The following NCBP3 variants were observed in gnomAD, a reference collection of about 807,000 sequenced individuals.
The protein encoded by NCBP3 is nuclear cap-binding protein subunit 3.
In NCBP3, 20 loss-of-function variants were observed where a neutral mutation model predicts 75.7. The observed-to-expected ratio is 0.26, with a 90% confidence interval of 0.19 to 0.38. NCBP3 has a LOEUF of 0.38. NCBP3 is among the 10% of genes least tolerant of loss of function. NCBP3 has a pLI of 1.00. For synonymous variants in NCBP3, 293 were observed against 290.5 expected (o/e 1.01, Z -0.09); for missense variants, 678 against 796.9 (o/e 0.85, Z 1.80).
intron 4 of NCBP3, among the ~76,000 whole-genome samples, chr17:3,828,728 A>G (rs991435672): frequency 2.0e-5 from 3 of 152,132 alleles, no homozygotes; most frequent in African/African-American, 7.2e-5. Flanking sequence ...GTTCAAGGCA[A>G]GCAGAAATGA....
At chr17:3,846,000 G>A in intron 1 of NCBP3, 41 bp downstream of exon 1, 1 of 1,532,732 alleles carries the variant, frequency 6.5e-7, no homozygotes, top group African/African-American at 1.4e-5. Flanking sequence ...CTAGACACTA[G>A]CCCCGCGACC....
At chr17:3,843,243 C>CTTTTTTTTTTTTTTTT (rs5818919) in intron 1 of NCBP3, 92 bp from the exon 2 acceptor site, 2 of 631,304 alleles carry the variant, frequency 3.2e-6, no homozygotes, top group Non-Finnish European at 2.6e-6. Flanking sequence ...TTCTTTTTTC[C>CTTTTTTTTTTTTTTTT]TTTTTTTTTT....
chr17:3,830,650 C>T (rs1392066553), intron 3 of NCBP3, among the ~76,000 whole-genome samples: 2 of 152,180 alleles, frequency 1.3e-5, no homozygotes. Flanking sequence ...TGCAGTGGCA[C>T]GATCTCGGCT....
chr17:3,840,241 T>C (rs1240565286), intron 2 of NCBP3, 36 bp from the exon 3 acceptor site: 2 of 1,519,126 alleles, frequency 1.3e-6, no homozygotes, highest in Non-Finnish European at 1.8e-6. Flanking sequence ...TAGTAAAATA[T>C]GGAGAAGGCG....
intron 11 of NCBP3, among the ~76,000 whole-genome samples, chr17:3,815,585 C>A (rs1156462588): frequency 6.6e-6 from 1 of 152,060 alleles, no homozygotes; most frequent in Non-Finnish European, 1.5e-5. Flanking sequence ...TATGGTTGGC[C>A]CTCCTCATCC....
In NCBP3 at chr17:3,840,224, G is replaced by C; in HGVS notation, c.250-19C>G. 6.5e-7 allele frequency: 1 copy of C among 1,544,220 alleles called. No homozygotes were observed. The highest frequency in any genetic ancestry group is 8.8e-7 in the Non-Finnish European group (1 of 1,140,288). On this transcript the variant is annotated intron_variant, in intron 2 of 12. Coordinates refer to ENST00000389005, the MANE Select transcript of NCBP3 (RefSeq NM_001114118.3). The stretch of plus-strand genomic sequence containing the variant: ...TTGCTTCCTAGAAAGTACAGAAAAA[G>C]TGAAAGTAGTAAAATATGGAGAAGG...
intron 9 of NCBP3, among the ~76,000 whole-genome samples, chr17:3,819,700 A>G (rs1267098710): frequency 6.6e-6 from 1 of 152,236 alleles, no homozygotes; most frequent in African/African-American, 2.4e-5. Context: ...CATAAGCACC[A>G]TGAATAATGA....
chr17:3,818,606 G>C lies in NCBP3; in HGVS notation c.1001-34C>G. The C allele has an allele frequency of 6.4e-7, 1 of 1,564,886 alleles. No homozygotes were observed. The highest frequency in any genetic ancestry group is 1.2e-5 in the South Asian group (1 of 85,806). On this transcript the variant is annotated intron_variant, in intron 9 of 12. Transcript: ENST00000389005. The surrounding 1 kb of genome is among the most constrained non-coding windows in gnomAD (Gnocchi z 4.7). Reference sequence around the variant, plus strand: ...ATTTAACCAGAAAACATTAGGAAAAGCACTAAAATTAACAAGTATGATTTT... The same window carrying C: ...ATTTAACCAGAAAACATTAGGAAAACCACTAAAATTAACAAGTATGATTTT...
rs938609082 is a variant in NCBP3 at position 3,809,744 on chromosome 17, C to T, written c.*3300G>A. The stretch of plus-strand genomic sequence containing the variant: ...TAGAAATAGAAATATATATATATAG[C>T]CCTAAAGTAGAAACAACTCAAATGC... On this transcript the variant is annotated 3_prime_UTR_variant, in exon 13 of 13. Coordinates refer to ENST00000389005, the MANE Select transcript of NCBP3 (RefSeq NM_001114118.3). The T allele has an allele frequency of 2.0e-5, 3 of 151,720 alleles. No individual in the cohort carries two copies. In the South Asian group the frequency reaches 6.3e-4, roughly 32 times the overall value. 9.4% of individuals were successfully genotyped at this position (151,720 alleles called of 1,614,324 possible). A position where few individuals can be genotyped will look rare whatever the true frequency, so the allele number is the denominator to read the frequency against.
chr17:3,825,166 A>G (rs1162276157), intron 6 of NCBP3, 116 bp from the exon 7 acceptor site: 1 of 554,684 alleles, frequency 1.8e-6, no homozygotes, highest in Non-Finnish European at 3.1e-6. Flanking sequence ...GCATTATAGC[A>G]CTAGTTCCGC....
At position 3,826,072 on chromosome 17, in the gene NCBP3, C is replaced by G. The variant is rs1432905511; in HGVS notation, c.610+15G>C. ...GAGGACTTTCAGACCCCAGTTCCCT[C>G]CTTTGTGTTGTTACCTTTTTTCCTT... On this transcript the variant is annotated intron_variant, in intron 5 of 12. Transcript: ENST00000389005. 7.7e-6 allele frequency: 12 copies of G among 1,549,514 alleles called. No homozygotes were observed. Among genetic ancestry groups the G allele is most frequent in the Non-Finnish European group, 1.0e-5 (12 of 1,145,992 alleles).
intron 7 of NCBP3, chr17:3,824,180 T>C (rs2053725935): frequency 6.6e-6 from 1 of 152,186 alleles, no homozygotes; most frequent in South Asian, 2.1e-4. Context: ...ACTGTATTAA[T>C]GTTAAATTTC....
At chr17:3,841,076 A>C (rs2054055507) in intron 2 of NCBP3, among the ~76,000 whole-genome samples, 1 of 152,152 alleles carries the variant, frequency 6.6e-6, no homozygotes, top group South Asian at 2.1e-4. Flanking sequence ...TCCCGGGTTC[A>C]AGAGATTCTC....
At chr17:3,822,094 T>C (rs773984914) in intron 7 of NCBP3, 42 bp from the exon 8 acceptor site, 2 of 1,322,192 alleles carry the variant, frequency 1.5e-6, no homozygotes, top group Non-Finnish European at 1.1e-6. Flanking sequence ...TTCCTGTGAG[T>C]GTAAAGACAA....
intron 2 of NCBP3, among the ~76,000 whole-genome samples, chr17:3,840,944 C>A (rs1250386493): frequency 5.3e-5 from 8 of 152,208 alleles, no homozygotes; most frequent in African/African-American, 1.4e-4. Context: ...CCAGGTCCAA[C>A]TGTGGGTTTC....
At chr17:3,819,432 C>T (rs577910646) in intron 9 of NCBP3, among the ~76,000 whole-genome samples, 86 of 151,918 alleles carry the variant, frequency 5.7e-4, no homozygotes, top group African/African-American at 1.9e-3. Context: ...TGGTGGTGTG[C>T]GCTTGTAGTC....
At chr17:3,833,244 C>A (rs1034859117) in intron 3 of NCBP3, among the ~76,000 whole-genome samples, 16 of 152,120 alleles carry the variant, frequency 1.1e-4, no homozygotes, top group African/African-American at 3.9e-4. Flanking sequence ...CAGAGTAAGA[C>A]TTTGTTTCAA....
intron 9 of NCBP3, among the ~76,000 whole-genome samples, chr17:3,819,411 T>C (rs1471861060): frequency 1.3e-5 from 2 of 151,890 alleles, no homozygotes; most frequent in African/African-American, 4.8e-5. Flanking sequence ...ACAACAAAAA[T>C]TAGCCGGGCA....
intron 1 of NCBP3, among the ~76,000 whole-genome samples, chr17:3,844,805 A>G (rs946358751): frequency 6.6e-6 from 1 of 152,122 alleles, no homozygotes; most frequent in Non-Finnish European, 1.5e-5. Flanking sequence ...AGCCAAGATC[A>G]GGCCATTGTA....
Sources: gnomAD v4.1 joint callset for allele counts (sites outside exome capture counted in the v4.1 genomes callset) on GRCh38, gnomAD v4.1.1 for gene constraint, Gnocchi (gnomAD v3.1) non-coding constraint, MANE v1.5 for transcripts, NCBI Gene and HGNC (gene_info 2026-07-23, HGNC 2026-07-21) for gene names.